CACNG6: variants seen among roughly 807,000 people sequenced by gnomAD.
CACNG6 encodes voltage-dependent calcium channel gamma-6 subunit.
CACNG6 carries 21 observed loss-of-function variants against 23.9 expected under a neutral mutation model. The ratio of observed to expected loss-of-function variants is 0.88; its 90% CI spans 0.62 to 1.26. CACNG6 has a LOEUF of 1.26. CACNG6 is among the 50% of genes most tolerant of loss of function. The probability of loss-of-function intolerance (pLI) is 0.00; values close to 1 mark genes in which losing one functional copy is unlikely to be tolerated. For synonymous variants in CACNG6, 182 were observed against 168.9 expected, an observed-to-expected ratio of 1.08 and a Z score of -0.60; for missense variants, 340 against 352.9, an observed-to-expected ratio of 0.96 and a Z score of 0.29.
At chr19:53,991,619 C>G (rs1354468101), upstream of CACNG6, among the ~76,000 whole-genome samples, 1 of 150,856 alleles carries the variant, frequency 6.6e-6, no homozygotes, top group Non-Finnish European at 1.5e-5. Context: ...GGGACGAGGC[C>G]GGGCGCGGGC....
intron 3 of CACNG6, among the ~76,000 whole-genome samples, chr19:54,002,379 A>G (rs561338997): frequency 5.5e-4 from 81 of 146,824 alleles, no homozygotes; most frequent in African/African-American, 2.0e-3. Flanking sequence ...CGGCCTCCCA[A>G]AAGTGCTGGG....
Position 54,011,205 on chromosome 19 carries a change from A to AT in CACNG6, c.545-746_545-745insT, listed in dbSNP as rs1555819786. Among the ~76,000 whole-genome samples, 703 of 102,368 alleles carry AT rather than the reference A, an allele frequency of 6.9e-3. 9 individuals carry two copies. The highest frequency in any genetic ancestry group is 8.7e-3 in the Middle Eastern group (2 of 230). The allele number at this position is 102,368 out of a possible 152,430, so 67.2% of individuals were successfully genotyped here. A position where few individuals can be genotyped will look rare whatever the true frequency, so the allele number is the denominator to read the frequency against. On this transcript the variant is annotated intron_variant, in intron 3 of 3. Coordinates refer to ENST00000252729, the MANE Select transcript of CACNG6 (RefSeq NM_145814.2). Reference sequence around the variant, plus strand: ...CCGTCTCTACTAAAAAAAAAAAAAAAATATATATATATATATATATATACA... The same window carrying AT: ...CCGTCTCTACTAAAAAAAAAAAAAAATATATATATATATATATATATATACA...
rs545532938 is a variant in CACNG6 at position 54,004,853 on chromosome 19, G to A, written c.544+5082G>A. On this transcript the variant is annotated intron_variant, in intron 3 of 3. Transcript: ENST00000252729. The stretch of plus-strand genomic sequence containing the variant: ...TCACCACCTCAGAGAGACCAGCACT[G>A]ACCATCGTGTCTAAAGGGGACTCAT... Among the ~76,000 whole-genome samples, 88 of 152,284 alleles carry A rather than the reference G, an allele frequency of 5.8e-4. 2 individuals are homozygous for A. In the South Asian group the frequency reaches 0.018, roughly 32 times the overall value.
At chr19:53,998,114 C>T in intron 1 of CACNG6, 125 bp from the exon 2 acceptor site, 2 of 725,458 alleles carry the variant, frequency 2.8e-6, no homozygotes, top group Non-Finnish European at 4.6e-6. Context: ...TCATTTTTCT[C>T]CTCTGTGTAT....
chr19:53,999,787 C>G lies in CACNG6; in HGVS notation c.544+16C>G, dbSNP rs758287502. On this transcript the variant is annotated intron_variant, in intron 3 of 3. Coordinates refer to ENST00000252729, the MANE Select transcript of CACNG6 (RefSeq NM_145814.2). The stretch of plus-strand genomic sequence containing the variant: ...GGCCTCTCAGGTGAGGGTTCAGAGC[C>G]TGGAGGCTGAGGACATTGCATGCTG... 13 of 1,612,482 alleles carry G rather than the reference C, an allele frequency of 8.1e-6. No individual in the cohort carries two copies. Among genetic ancestry groups the G allele is most frequent in the Non-Finnish European group, 1.0e-5 (12 of 1,179,578 alleles).
At position 54,010,040 on chromosome 19, in the gene CACNG6, C is replaced by CTT. The variant is rs34229634; in HGVS notation, c.545-1896_545-1895dup. Among the ~76,000 whole-genome samples the CTT allele has an allele frequency of 8.5e-3, 1,065 of 125,270 alleles. 16 individuals are homozygous for CTT. Among genetic ancestry groups the CTT allele is most frequent in the East Asian group, 0.013 (55 of 4,358 alleles). The allele number at this position is 125,270 out of a possible 152,430, so 82.2% of individuals were successfully genotyped here. The stretch of plus-strand genomic sequence containing the variant: ...TGCATGGAGACTATTTCTTTTCTTT[C>CTT]TTTTTTTTTTTTTTTTGTTGCCCAG... On this transcript the variant is annotated intron_variant, in intron 3 of 3. Coordinates refer to ENST00000252729, the MANE Select transcript of CACNG6 (RefSeq NM_145814.2).
rs113156216 is a variant in CACNG6 at position 54,006,846 on chromosome 19, A to G, written c.545-5105A>G. ...CACTGTGCCCGGCCTTCTTTTTTTT[A>G]TTTTGTTATTTTATTTTATTTTATT... On this transcript the variant is annotated intron_variant, in intron 3 of 3. Coordinates refer to ENST00000252729, the MANE Select transcript of CACNG6 (RefSeq NM_145814.2). 9.4e-3 allele frequency among the ~76,000 whole-genome samples: 115 copies of G among 12,178 alleles called. 1 individual carries two copies. The highest frequency in any genetic ancestry group is 0.052 in the East Asian group (3 of 58). The allele number at this position is 12,178 out of a possible 152,430, so 8.0% of individuals were successfully genotyped here.
intron 3 of CACNG6, among the ~76,000 whole-genome samples, chr19:54,006,517 C>CTTTTT (rs1236056716): frequency 3.3e-4 from 35 of 107,318 alleles, no homozygotes; most frequent in African/African-American, 6.8e-4. Flanking sequence ...TTCCTTCTTT[C>CTTTTT]TTTTCTTTTT....
In CACNG6 at chr19:53,996,399, C is replaced by CTT. The variant is rs36057809; in HGVS notation, c.332-1830_332-1829dup. ...TTAACTTTAAAATTTCTCTCTCTCT[C>CTT]TTTTTTTTTTTGAGATGTAGTCTTG... is the stretch of plus-strand genomic sequence containing the variant. On this transcript the variant is annotated intron_variant, in intron 1 of 3. Coordinates refer to ENST00000252729, the MANE Select transcript of CACNG6 (RefSeq NM_145814.2). 9.9e-4 allele frequency among the ~76,000 whole-genome samples: 145 copies of CTT among 146,678 alleles called. 3 individuals are homozygous for CTT. The East Asian group carries it at 0.022, about 22-fold the overall frequency.
chr19:53,998,926 G>C (rs111911842), intron 2 of CACNG6, among the ~76,000 whole-genome samples: 1 of 152,174 alleles, frequency 6.6e-6, no homozygotes, highest in Admixed American at 6.5e-5. Context: ...CAGGCATCAA[G>C]TACTGACCAC....
intron 3 of CACNG6, among the ~76,000 whole-genome samples, chr19:54,010,477 T>C (rs2545035): frequency 0.091 from 13,919 of 152,174 alleles, 1,211 homozygotes; most frequent in African/African-American, 0.23. Flanking sequence ...TGTTTTCTGA[T>C]TCCTGTGTTT....
intron 3 of CACNG6, among the ~76,000 whole-genome samples, chr19:54,000,925 T>A (rs558678879): frequency 6.6e-6 from 1 of 152,262 alleles, no homozygotes; most frequent in Non-Finnish European, 1.5e-5. Flanking sequence ...AGAAGTCAGA[T>A]GAATTACTCA....
In CACNG6 at chr19:53,992,754, T is replaced by C; in HGVS notation, c.-124T>C. The C allele has an allele frequency of 1.8e-6, 1 of 551,676 alleles. No homozygotes were observed. The highest frequency in any genetic ancestry group is 2.9e-6 in the Non-Finnish European group (1 of 343,920). The allele number at this position is 551,676 out of a possible 1,614,324, so 34.2% of individuals were successfully genotyped here. The stretch of plus-strand genomic sequence containing the variant: ...CCAGACAGGACTCGGCTCTCCCTCT[T>C]TCATACCCAGGGGAAACTGAGTCCC... On this transcript the variant is annotated 5_prime_UTR_variant, in exon 1 of 4. Coordinates refer to ENST00000252729, the MANE Select transcript of CACNG6 (RefSeq NM_145814.2). The surrounding 1 kb of genome is among the most constrained non-coding windows in gnomAD (Gnocchi z 4.1).
At chr19:54,004,369 G>A (rs2069615277) in intron 3 of CACNG6, among the ~76,000 whole-genome samples, 1 of 146,236 alleles carries the variant, frequency 6.8e-6, no homozygotes, top group South Asian at 2.1e-4. Context: ...GTGTGTGTGT[G>A]TGTGTGTGTG....
Position 54,012,069 on chromosome 19 carries a change from GGGC to G in CACNG6, c.664_666del (p.Gly222del). The G allele has an allele frequency of 6.3e-7, 1 of 1,596,720 alleles. No individual in the cohort carries two copies. Among genetic ancestry groups the G allele is most frequent in the Non-Finnish European group, 8.5e-7 (1 of 1,172,844 alleles). The stretch of plus-strand genomic sequence containing the variant: ...TCACCTACGAGTACTCCTGGTCCCT[GGGC>G]TGCGGCGTGGGGGCCGGCCTGATCC... On this transcript the variant is annotated inframe_deletion, in exon 4 of 4. Coordinates refer to ENST00000252729, the MANE Select transcript of CACNG6 (RefSeq NM_145814.2).
At chr19:54,002,384 G>T (rs1474549216) in intron 3 of CACNG6, among the ~76,000 whole-genome samples, 1 of 147,102 alleles carries the variant, frequency 6.8e-6, no homozygotes, top group Non-Finnish European at 1.5e-5. Context: ...TCCCAAAAGT[G>T]CTGGGATTAT....
rs1165515489 is a variant in CACNG6, at chr19:53,992,873, A to G, written c.-5A>G. 9.4e-6 allele frequency: 13 copies of G among 1,388,536 alleles called. No individual in the cohort carries two copies. The highest frequency in any genetic ancestry group is 1.5e-5 in the African/African-American group (1 of 66,652). 86.0% of individuals were successfully genotyped at this position (1,388,536 alleles called of 1,614,324 possible). ...CTCCCCCTTCCCGACCCCACCGGCC[A>G]TAAGATGATGTGGTCCAACTTCTTC... On this transcript the variant is annotated 5_prime_UTR_variant, in exon 1 of 4. Transcript: ENST00000252729. This position sits in a 1 kb window ranked among gnomAD's most constrained non-coding sequence, Gnocchi z 4.1.
At chr19:53,998,497 GA>G (rs1187625301) in intron 2 of CACNG6, among the ~76,000 whole-genome samples, 184 bp downstream of exon 2, 1 of 144,774 alleles carries the variant, frequency 6.9e-6, no homozygotes, top group Admixed American at 7.2e-5. Flanking sequence ...GTGCTCTAGA[GA>G]ATCTAGAGAA....
At chr19:54,003,207 G>A (rs2069598081) in intron 3 of CACNG6, among the ~76,000 whole-genome samples, 1 of 152,030 alleles carries the variant, frequency 6.6e-6, no homozygotes, top group Non-Finnish European at 1.5e-5. Context: ...GGAGGGGGAG[G>A]CGGAAAATTA....
Sources: allele counts gnomAD v4.1 joint callset (sites outside exome capture counted in the v4.1 genomes callset), GRCh38; gene constraint gnomAD v4.1.1; non-coding constraint Gnocchi (gnomAD v3.1); transcripts MANE v1.5; gene names NCBI Gene and HGNC (gene_info 2026-07-23, HGNC 2026-07-21).